The following TMEM132B variants were observed in gnomAD, a reference collection of about 807,000 sequenced individuals.
TMEM132B encodes transmembrane protein 132B.
A neutral mutation model predicts 90.8 loss-of-function variants in TMEM132B; 18 were observed. That is an observed-to-expected ratio of 0.20 (90% CI 0.14 to 0.29). TMEM132B has a LOEUF of 0.29. Ranked by LOEUF, TMEM132B falls within the 10% of genes least tolerant of loss-of-function variation. The pLI is 1.00. For synonymous variants in TMEM132B, 504 were observed against 523.3 expected, an observed-to-expected ratio of 0.96 and a Z score of 0.50; for missense variants, 1,096 against 1,326.8, an observed-to-expected ratio of 0.83 and a Z score of 2.70.
intron 4 of TMEM132B, among the ~76,000 whole-genome samples, chr12:125,539,773 T>C (rs1883906185): frequency 6.6e-6 from 1 of 152,234 alleles, no homozygotes. Context: ...TAGAGTTTTA[T>C]CAATTTTAAT....
chr12:125,475,913 T>C (rs145450520), intron 3 of TMEM132B, among the ~76,000 whole-genome samples: 1 of 152,356 alleles, frequency 6.6e-6, no homozygotes, highest in African/African-American at 2.4e-5. Flanking sequence ...CTTTTCTCAG[T>C]ATTGCTGATA....
At chr12:125,275,532 A>G (rs1874963760) in intron 1 of TMEM132B, among the ~76,000 whole-genome samples, 2 of 152,118 alleles carry the variant, frequency 1.3e-5, no homozygotes, top group East Asian at 1.9e-4. Context: ...GAATATCCAG[A>G]TTATTAAGGA....
chr12:125,421,094 T>C (rs59169625), intron 3 of TMEM132B, among the ~76,000 whole-genome samples: 3,226 of 152,288 alleles, frequency 0.021, 102 homozygotes, highest in African/African-American at 0.072. Context: ...ATTCAACAAA[T>C]CTTTAGGAAG....
chr12:125,241,678 G>A (rs1874071332), intron 1 of TMEM132B, among the ~76,000 whole-genome samples: 1 of 152,142 alleles, frequency 6.6e-6, no homozygotes, highest in South Asian at 2.1e-4. Context: ...CTGGCACCTT[G>A]GTTTTGGACT....
At position 125,267,582 on chromosome 12, in the gene TMEM132B, T is replaced by C. The variant is rs1424865987; in HGVS notation, c.67+80716T>C. Among the ~76,000 whole-genome samples the C allele has an allele frequency of 3.9e-5, 6 of 152,198 alleles. 1 individual carries two copies. Among genetic ancestry groups the C allele is most frequent in the Non-Finnish European group, 7.3e-5 (5 of 68,040 alleles). Reference sequence around the variant, plus strand: ...TGATAGGCACATTGTCACACAGAAATGTTTCTCTACTATACAGAAACACTG... The same window carrying C: ...TGATAGGCACATTGTCACACAGAAACGTTTCTCTACTATACAGAAACACTG... On this transcript the variant is annotated intron_variant, in intron 1 of 8. Transcript: ENST00000682704.
chr12:125,463,440 G>A (rs1881489632), intron 3 of TMEM132B, among the ~76,000 whole-genome samples: 1 of 152,096 alleles, frequency 6.6e-6, no homozygotes, highest in South Asian at 2.1e-4. Context: ...CCCCCTCTTT[G>A]TGCTGGTAAC....
At chr12:125,256,124 C>G (rs1239271358) in intron 1 of TMEM132B, among the ~76,000 whole-genome samples, 1 of 152,170 alleles carries the variant, frequency 6.6e-6, no homozygotes, top group Non-Finnish European at 1.5e-5. Flanking sequence ...CTTGCTGCAG[C>G]TGAAAATGAT....
At chr12:125,335,433 C>G (rs1876927237) in intron 1 of TMEM132B, among the ~76,000 whole-genome samples, 1 of 152,190 alleles carries the variant, frequency 6.6e-6, no homozygotes. Flanking sequence ...ATGACCCTGG[C>G]TGAGCCAATA....
At chr12:125,462,050 G>A (rs1478995783) in intron 3 of TMEM132B, among the ~76,000 whole-genome samples, 1 of 152,228 alleles carries the variant, frequency 6.6e-6, no homozygotes, top group Non-Finnish European at 1.5e-5. Flanking sequence ...GGCTGGGCTG[G>A]CTCACATGAC....
chr12:125,377,672 C>T (rs1878536910), intron 2 of TMEM132B, among the ~76,000 whole-genome samples: 1 of 151,610 alleles, frequency 6.6e-6, no homozygotes, highest in Non-Finnish European at 1.5e-5. Context: ...CTATATAGTT[C>T]TGATCTCTCT....
intron 5 of TMEM132B, among the ~76,000 whole-genome samples, chr12:125,592,758 T>C (rs1275124496): frequency 6.6e-6 from 1 of 152,170 alleles, no homozygotes; most frequent in Non-Finnish European, 1.5e-5. Flanking sequence ...GGAATGTGGA[T>C]GTGTGCTGAA....
chr12:125,424,085 C>A (rs1251750261), intron 3 of TMEM132B, among the ~76,000 whole-genome samples: 1 of 152,148 alleles, frequency 6.6e-6, no homozygotes, highest in East Asian at 1.9e-4. Context: ...GCAGTATATT[C>A]TATTCATTCC....
At chr12:125,474,992 G>T (rs1287589831) in intron 3 of TMEM132B, among the ~76,000 whole-genome samples, 1 of 152,248 alleles carries the variant, frequency 6.6e-6, no homozygotes, top group Non-Finnish European at 1.5e-5. Context: ...CCTGGGCAGA[G>T]ATGGGGCCGA....
chr12:125,505,327 T>A (rs11612099), intron 3 of TMEM132B, among the ~76,000 whole-genome samples: 12,011 of 151,740 alleles, frequency 0.079, 534 homozygotes, highest in Non-Finnish European at 0.11. Context: ...AGGAAAGACA[T>A]GAAATGGAGA....
chr12:125,226,415 T>C (rs1873682747), intron 1 of TMEM132B, among the ~76,000 whole-genome samples: 1 of 152,252 alleles, frequency 6.6e-6, no homozygotes, highest in African/African-American at 2.4e-5. Context: ...TTAAGCTCTA[T>C]ATACACATTC....
At chr12:125,413,839 A>G (rs1422676587) in intron 2 of TMEM132B, among the ~76,000 whole-genome samples, 1 of 152,190 alleles carries the variant, frequency 6.6e-6, no homozygotes, top group African/African-American at 2.4e-5. Flanking sequence ...CCTGTTTTCA[A>G]TTCATTTAGG....
At chr12:125,395,503 G>T (rs1879145069) in intron 2 of TMEM132B, among the ~76,000 whole-genome samples, 1 of 152,172 alleles carries the variant, frequency 6.6e-6, no homozygotes, top group Non-Finnish European at 1.5e-5. Flanking sequence ...TTTGCTCTCT[G>T]TGCTCACAAG....
intron 4 of TMEM132B, among the ~76,000 whole-genome samples, chr12:125,549,915 A>G (rs1246765792): frequency 6.6e-6 from 1 of 152,118 alleles, no homozygotes; most frequent in Non-Finnish European, 1.5e-5. Flanking sequence ...GCCAGTTGTC[A>G]TTTTGTTGCT....
At chr12:125,269,005 G>A (rs1874759853) in intron 1 of TMEM132B, among the ~76,000 whole-genome samples, 1 of 152,184 alleles carries the variant, frequency 6.6e-6, no homozygotes, top group Non-Finnish European at 1.5e-5. Context: ...TAGCAAGCTG[G>A]AATTTATTTT....
Sources: allele counts gnomAD v4.1 joint callset (sites outside exome capture counted in the v4.1 genomes callset), GRCh38; gene constraint gnomAD v4.1.1; transcripts MANE v1.5; gene names NCBI Gene and HGNC (gene_info 2026-07-23, HGNC 2026-07-21).